The following FNBP4 variants were observed in gnomAD, a reference collection of about 807,000 sequenced individuals.
The protein encoded by FNBP4 is formin binding protein 4.
A neutral mutation model predicts 119.3 loss-of-function variants in FNBP4; 34 were observed. The ratio of observed to expected loss-of-function variants is 0.28; its 90% CI spans 0.22 to 0.38. The LOEUF is 0.38. Among genes scored for constraint, FNBP4 ranks in the 10% least tolerant of loss-of-function variants. The pLI is 1.00. For synonymous variants in FNBP4, 462 were observed against 430.6 expected (o/e 1.07, Z -0.90); for missense variants, 1,112 against 1,228.9 (o/e 0.90, Z 1.42).
At chr11:47,723,948 T>G in intron 14 of FNBP4, 80 bp downstream of exon 14, 1 of 1,312,460 alleles carries the variant, frequency 7.6e-7, no homozygotes, top group Non-Finnish European at 1.1e-6. Context: ...CTTTAACATT[T>G]CTTTAGTTTT....
At position 47,757,501 on chromosome 11, in the gene FNBP4, C is replaced by T. The variant is rs376286532; in HGVS notation, c.314-2837G>A. On this transcript the variant is annotated intron_variant, in intron 2 of 16. Coordinates refer to ENST00000263773, the MANE Select transcript of FNBP4 (RefSeq NM_015308.5). ...TGCTGGGATTATAGGCGTGAGCCAC[C>T]GCACCCGGCTGAGACGGAGTCTTGC... 7.3e-5 allele frequency among the ~76,000 whole-genome samples: 11 copies of T among 151,220 alleles called. No individual in the cohort carries two copies. The East Asian group carries it at 9.8e-4, about 13-fold the overall frequency.
intron 12 of FNBP4, chr11:47,725,820 T>A: frequency 1.0e-6 from 1 of 979,822 alleles, no homozygotes; most frequent in Non-Finnish European, 1.2e-6. Context: ...CCAGGAATGT[T>A]GAAGGGGATT....
At chr11:47,720,701 G>A (rs372475312) in intron 15 of FNBP4, among the ~76,000 whole-genome samples, 6 of 150,256 alleles carry the variant, frequency 4.0e-5, no homozygotes, top group Admixed American at 4.0e-4. Context: ...CCTTTATCGC[G>A]TCTCAGAATT....
chr11:47,735,418 T>G (rs976906212), intron 9 of FNBP4, among the ~76,000 whole-genome samples: 1 of 152,220 alleles, frequency 6.6e-6, no homozygotes, highest in Non-Finnish European at 1.5e-5. Flanking sequence ...AAGTGGTTTT[T>G]CCAACAGACC....
rs530030347 is a variant in FNBP4, at chr11:47,732,437, T to C, written c.1820+100A>G. The C allele has an allele frequency of 1.9e-6, 3 of 1,570,144 alleles. No homozygotes were observed. In the African/African-American group the frequency reaches 4.1e-5, roughly 21 times the overall value. Reference sequence around the variant, plus strand: ...CCAGCACCGCTAACTGCAGCTGCTCTCAGTCTCCAGACAGGCTGTCATGTC... The same window carrying C: ...CCAGCACCGCTAACTGCAGCTGCTCCCAGTCTCCAGACAGGCTGTCATGTC... On this transcript the variant is annotated intron_variant, in intron 11 of 16. Coordinates refer to ENST00000263773, the MANE Select transcript of FNBP4 (RefSeq NM_015308.5). This position sits in a 1 kb window ranked among gnomAD's most constrained non-coding sequence, Gnocchi z 4.2.
At chr11:47,736,427 G>A (rs985842891) in intron 9 of FNBP4, among the ~76,000 whole-genome samples, 189 bp downstream of exon 9, 5 of 151,592 alleles carry the variant, frequency 3.3e-5, no homozygotes, top group Non-Finnish European at 5.9e-5. Context: ...GTTGAGGTGC[G>A]TGCCTGTAAT....
At chr11:47,724,982 A>G (rs2097559471) in intron 12 of FNBP4, 1 of 482,886 alleles carries the variant, frequency 2.1e-6, no homozygotes, top group Admixed American at 3.8e-5. Context: ...TTCTATACTG[A>G]TATCGCTAAA....
intron 6 of FNBP4, among the ~76,000 whole-genome samples, chr11:47,749,154 GT>G (rs1301073411): frequency 1.3e-5 from 2 of 152,112 alleles, no homozygotes; most frequent in African/African-American, 4.8e-5. Context: ...CACACCTGTA[GT>G]CCCAGCTACT....
At position 47,744,124 on chromosome 11, in the gene FNBP4, A is replaced by T; in HGVS notation, c.1285T>A (p.Ser429Thr). The T allele has an allele frequency of 6.2e-7, 1 of 1,614,122 alleles. No individual in the cohort carries two copies. The highest frequency in any genetic ancestry group is 8.5e-7 in the Non-Finnish European group (1 of 1,180,006). ...RALEEGDGSV[S>T]GSSPRSDISQ... is the part of the protein sequence containing the mutation. ...ATATCAGAACGTGGACTAGACCCTG[A>T]CACACTACCATCTCCTTCCTCCAAG... The change falls in exon 8 of 17, where the codon TCA (serine) becomes ACA (threonine). Residue 429 changes from serine (S) to threonine (T), a missense_variant. By Grantham distance (58) the Ser-to-Thr change is moderately conservative (BLOSUM62 1). Coordinates refer to ENST00000263773, the MANE Select transcript of FNBP4 (RefSeq NM_015308.5).
intron 10 of FNBP4, 114 bp downstream of exon 10, chr11:47,733,911 G>T (rs919144393): frequency 3.9e-6 from 2 of 518,288 alleles, no homozygotes; most frequent in Admixed American, 3.9e-5. Flanking sequence ...ATTCTTCAAG[G>T]TTAAAAATTT....
At chr11:47,726,097 C>A (rs1205813402) in intron 12 of FNBP4, 1 of 152,104 alleles carries the variant, frequency 6.6e-6, no homozygotes, top group Non-Finnish European at 1.5e-5. Context: ...GGAGTAGATA[C>A]CCAGAAGAAG....
At chr11:47,734,630 CAG>C (rs2097571466) in intron 9 of FNBP4, among the ~76,000 whole-genome samples, 1 of 152,064 alleles carries the variant, frequency 6.6e-6, no homozygotes, top group Non-Finnish European at 1.5e-5. Context: ...GGGCTGGAGA[CAG>C]GGGAATATGG....
In FNBP4 at chr11:47,732,843, C is replaced by T. The variant is rs2097569045; in HGVS notation, c.1687-173G>A. ...CTCATAAAATAATCTTAAGGCCGGG[C>T]ATGGTGGCTCACGCCTGTAATCCCA... On this transcript the variant is annotated intron_variant, in intron 10 of 16. Coordinates refer to ENST00000263773, the MANE Select transcript of FNBP4 (RefSeq NM_015308.5). The surrounding 1 kb of genome is among the most constrained non-coding windows in gnomAD (Gnocchi z 4.2). Among the ~76,000 whole-genome samples the T allele has an allele frequency of 6.6e-6, 1 of 152,202 alleles. No homozygotes were observed. The highest frequency in any genetic ancestry group is 2.4e-5 in the African/African-American group (1 of 41,454).
chr11:47,730,672 C>T (rs1270420573), intron 12 of FNBP4, among the ~76,000 whole-genome samples: 1 of 152,170 alleles, frequency 6.6e-6, no homozygotes, highest in African/African-American at 2.4e-5. Context: ...GCTACCAATT[C>T]TTAAGATTAA....
chr11:47,767,079 C>T lies in FNBP4; in HGVS notation c.210G>A (p.Ser70=), dbSNP rs374040960. 2.1e-4 allele frequency: 315 copies of T among 1,530,780 alleles called. 2 individuals carry two copies. In the African/African-American group the frequency reaches 2.7e-3, roughly 13 times the overall value. 94.8% of individuals were successfully genotyped at this position (1,530,780 alleles called of 1,614,324 possible). The change falls in exon 1 of 17, where the codon TCG becomes TCA. Residue 70 remains serine (S), a synonymous_variant. Coordinates refer to ENST00000263773, the MANE Select transcript of FNBP4 (RefSeq NM_015308.5). ...AVTAAAASDD[S]PSEDEQEAVQ... Reference sequence around the variant, plus strand: ...CCCGCGCACCCTTGCCTTCTGAAGGCGAGTCGTCCGAGGCCGCGGCGGCAG... The same window carrying T: ...CCCGCGCACCCTTGCCTTCTGAAGGTGAGTCGTCCGAGGCCGCGGCGGCAG...
rs11828725 is a variant in FNBP4 at position 47,751,217 on chromosome 11, T to C, written c.711A>G (p.Gln237=). ...NTGCYYYWNT[Q]TNEVTWELPQ... is the part of the protein sequence containing the mutation. Reference sequence around the variant, plus strand: ...GTAACTCCCAAGTCACTTCATTTGTTTGTGTATTCCAATAATAATAACATC... The same window carrying C: ...GTAACTCCCAAGTCACTTCATTTGTCTGTGTATTCCAATAATAATAACATC... Residue 237 remains glutamine (Q), a synonymous_variant, in exon 5 of 17, where the codon CAA becomes CAG. Coordinates refer to ENST00000263773, the MANE Select transcript of FNBP4 (RefSeq NM_015308.5). 1.2e-6 allele frequency: 2 copies of C among 1,614,172 alleles called. No homozygotes were observed. Among genetic ancestry groups the C allele is most frequent in the Non-Finnish European group, 1.7e-6 (2 of 1,180,028 alleles).
At chr11:47,763,369 C>G (rs1404274668) in intron 2 of FNBP4, among the ~76,000 whole-genome samples, 2 of 148,922 alleles carry the variant, frequency 1.3e-5, no homozygotes, top group Non-Finnish European at 3.0e-5. Context: ...TCACTTCAAC[C>G]CGGGAGGCAG....
In FNBP4 at chr11:47,746,364, T is replaced by G. The variant is rs1247466136; in HGVS notation, c.937A>C (p.Asn313His). The G allele has an allele frequency of 3.7e-6, 6 of 1,606,848 alleles. No individual in the cohort carries two copies. Among genetic ancestry groups the G allele is most frequent in the African/African-American group, 2.7e-5 (2 of 74,280 alleles). The part of the protein sequence containing the change: ...EVNEGIQALS[N>H]SEEEKKGVAA... ...ACCCCTTTCTTCTCCTCCTCACTATTTGAGAGAGCCTGAATTCCTTCATTT... is the reference window on the plus strand; with the variant it reads ...ACCCCTTTCTTCTCCTCCTCACTATGTGAGAGAGCCTGAATTCCTTCATTT... Residue 313 changes from asparagine (N) to histidine (H), a missense_variant, in exon 7 of 17, where the codon AAT becomes CAT. This residue lies in a region of FNBP4 where 826 missense variants were observed against 988.8 expected (regional missense o/e 0.84). Transcript: ENST00000263773.
chr11:47,744,305 C>A (rs1201434324), intron 7 of FNBP4, 142 bp from the exon 8 acceptor site: 7 of 720,264 alleles, frequency 9.7e-6, no homozygotes, highest in Admixed American at 5.0e-5. Flanking sequence ...ACAGGCTCTC[C>A]CTCTGTTGCC....
Sources: gnomAD v4.1 joint callset for allele counts (sites outside exome capture counted in the v4.1 genomes callset) on GRCh38, gnomAD v4.1.1 for gene constraint, gnomAD v4.1.1 regional missense constraint, Gnocchi (gnomAD v3.1) non-coding constraint, MANE v1.5 for transcripts, NCBI Gene and HGNC (gene_info 2026-07-23, HGNC 2026-07-21) for gene names.